Variants in NARS2 observed in about 807,000 individuals in gnomAD.
NARS2 encodes asparaginyl-tRNA synthetase 2, mitochondrial.
NARS2 carries 60 observed loss-of-function variants against 62.9 expected under a neutral mutation model. The observed-to-expected ratio is 0.95, with a 90% CI of 0.77 to 1.18. The LOEUF (loss-of-function observed/expected upper bound fraction) is 1.18, where lower values mean the gene tolerates loss of function less well. NARS2 is among the 50% of genes most tolerant of loss of function. The probability of loss-of-function intolerance (pLI) is 0.00; values close to 1 mark genes in which losing one functional copy is unlikely to be tolerated. For missense variants in NARS2, 619 were observed against 576.4 expected (o/e 1.07, Z -0.76); for synonymous variants, 196 against 200.0 (o/e 0.98, Z 0.17).
chr11:78,445,358 C>T (rs772748675), intron 11 of NARS2, among the ~76,000 whole-genome samples: 57 of 152,146 alleles, frequency 3.7e-4, no homozygotes, highest in Non-Finnish European at 6.9e-4. Flanking sequence ...CGGTGGCTTA[C>T]GCCTGTAATC....
At chr11:78,508,922 CTGGCCAACA>C (rs1334249992) in intron 6 of NARS2, among the ~76,000 whole-genome samples, 1 of 151,894 alleles carries the variant, frequency 6.6e-6, no homozygotes, top group African/African-American at 2.4e-5. Context: ...TGAGACCAGC[CTGGCCAACA>C]GGACGACATC....
chr11:78,505,267 AATACACACAC>A (rs1422899649), intron 6 of NARS2, among the ~76,000 whole-genome samples: 1 of 82,462 alleles, frequency 1.2e-5, no homozygotes, highest in African/African-American at 4.8e-5. Context: ...AAGAAAACAA[AATACACACAC>A]ACACACACAC....
At chr11:78,533,188 A>C (rs1565263784) in intron 5 of NARS2, 2 of 152,220 alleles carry the variant, frequency 1.3e-5, no homozygotes, top group Non-Finnish European at 2.9e-5. Flanking sequence ...TGAAGACTGC[A>C]GAAGCCCTTG....
chr11:78,562,466 G>A (rs1856589701), intron 4 of NARS2, among the ~76,000 whole-genome samples: 1 of 152,110 alleles, frequency 6.6e-6, no homozygotes, highest in African/African-American at 2.4e-5. Flanking sequence ...CATAGTCAGT[G>A]GCAGGCTTTG....
At chr11:78,515,698 A>C (rs892162605) in intron 6 of NARS2, among the ~76,000 whole-genome samples, 3 of 151,818 alleles carry the variant, frequency 2.0e-5, no homozygotes, top group South Asian at 2.1e-4. Context: ...AAAAAAAAAA[A>C]ACAAAACAAT....
At position 78,465,952 on chromosome 11, in the gene NARS2, G is replaced by A; in HGVS notation, c.1088C>T (p.Pro363Leu). ...KYLVKHCGNI[P>L]VFVINYPLTL... is the part of the protein sequence containing the mutation. ...TAATGGATAATTAATAACGAAGACA[G>A]GTATGTTGCCACAGTGCTTCACCAG... Residue 363 changes from proline to leucine, a missense_variant, in exon 11 of 14, where the codon CCT (proline) becomes CTT (leucine). By Grantham distance (98) the Pro-to-Leu change is moderately conservative. Transcript: ENST00000281038. 2 of 1,613,918 alleles carry A rather than the reference G, an allele frequency of 1.2e-6. No homozygotes were observed. Among genetic ancestry groups the A allele is most frequent in the Non-Finnish European group, 1.7e-6 (2 of 1,179,896 alleles).
intron 5 of NARS2, among the ~76,000 whole-genome samples, chr11:78,540,855 G>A (rs1422542841): frequency 6.6e-6 from 1 of 152,088 alleles, no homozygotes; most frequent in Non-Finnish European, 1.5e-5. Flanking sequence ...AGATAGTAAA[G>A]AATAAAAAAA....
chr11:78,454,974 AACAC>A (rs1289729132), intron 11 of NARS2, among the ~76,000 whole-genome samples: 1 of 152,236 alleles, frequency 6.6e-6, no homozygotes. Context: ...AAAATGGACT[AACAC>A]ACAGACCACT....
At chr11:78,439,841 T>C (rs1157897745) in intron 13 of NARS2, among the ~76,000 whole-genome samples, 1 of 152,040 alleles carries the variant, frequency 6.6e-6, no homozygotes, top group Non-Finnish European at 1.5e-5. Context: ...GAAATATAAA[T>C]AAAAAATGTA....
chr11:78,538,994 C>CAAAAAAAAAAAAAAAAAAA (rs59917269), intron 5 of NARS2, among the ~76,000 whole-genome samples: 5 of 49,794 alleles, frequency 1.0e-4, no homozygotes, highest in East Asian at 1.5e-3. Flanking sequence ...GAATCCGTCT[C>CAAAAAAAAAAAAAAAAAAA]AAAAAAAAAA....
At chr11:78,451,601 T>A (rs557646601) in intron 11 of NARS2, among the ~76,000 whole-genome samples, 1 of 152,318 alleles carries the variant, frequency 6.6e-6, no homozygotes, top group South Asian at 2.1e-4. Context: ...GACTGGCTTA[T>A]AGAGCCAAGG....
chr11:78,512,906 A>T (rs570185486), intron 6 of NARS2, among the ~76,000 whole-genome samples: 1 of 152,310 alleles, frequency 6.6e-6, no homozygotes, highest in Non-Finnish European at 1.5e-5. Flanking sequence ...TTCCTCAAGC[A>T]TTTATTCTTT....
intron 6 of NARS2, among the ~76,000 whole-genome samples, chr11:78,495,042 T>C (rs1859999908): frequency 6.6e-6 from 1 of 152,218 alleles, no homozygotes; most frequent in African/African-American, 2.4e-5. Context: ...CTTTGTCTAC[T>C]GCTTAGAAAA....
chr11:78,552,473 T>C (rs1313852104), intron 5 of NARS2, among the ~76,000 whole-genome samples: 1 of 152,186 alleles, frequency 6.6e-6, no homozygotes, highest in Non-Finnish European at 1.5e-5. Flanking sequence ...TGTGTCTTTA[T>C]GGTGTGAAAG....
At chr11:78,534,127 C>T (rs978052812) in intron 5 of NARS2, among the ~76,000 whole-genome samples, 1 of 152,116 alleles carries the variant, frequency 6.6e-6, no homozygotes, top group Non-Finnish European at 1.5e-5. Flanking sequence ...TCCATGTGCA[C>T]GTTTTTGTGT....
At chr11:78,468,319 A>G (rs1422642520) in intron 10 of NARS2, among the ~76,000 whole-genome samples, 1 of 149,656 alleles carries the variant, frequency 6.7e-6, no homozygotes, top group East Asian at 1.9e-4. Flanking sequence ...TGAAAAAAAA[A>G]AAAAAAAAAG....
At chr11:78,557,514 CAG>C (rs2135510326) in intron 5 of NARS2, among the ~76,000 whole-genome samples, 1 of 152,306 alleles carries the variant, frequency 6.6e-6, no homozygotes, top group African/African-American at 2.4e-5. Flanking sequence ...TAGGTCGACA[CAG>C]CATAAAAGCC....
rs73506936 is a variant in NARS2, at chr11:78,525,443, C to T, written c.689+3399G>A. 5.4e-3 allele frequency among the ~76,000 whole-genome samples: 825 copies of T among 152,104 alleles called. 6 individuals carry two copies. The highest frequency in any genetic ancestry group is 0.019 in the African/African-American group (792 of 41,514). ...AAAGTACAGGGGCGTATCAAAGGGG[C>T]GTAAGAATCAATCTGAATGAGTTCC... is the stretch of plus-strand genomic sequence containing the variant. On this transcript the variant is annotated intron_variant, in intron 6 of 13. Coordinates refer to ENST00000281038, the MANE Select transcript of NARS2 (RefSeq NM_024678.6).
chr11:78,466,295 C>T (rs1464826236), intron 10 of NARS2, among the ~76,000 whole-genome samples: 1 of 122,258 alleles, frequency 8.2e-6, no homozygotes, highest in Non-Finnish European at 1.6e-5. Context: ...GCAGACAATA[C>T]AGCACCTGCA....
Sources: allele counts gnomAD v4.1 joint callset (sites outside exome capture counted in the v4.1 genomes callset), GRCh38; gene constraint gnomAD v4.1.1; transcripts MANE v1.5; gene names NCBI Gene and HGNC (gene_info 2026-07-23, HGNC 2026-07-21).